The following PCED1B variants were observed in gnomAD, a reference collection of about 807,000 sequenced individuals.
PCED1B encodes the protein PC-esterase domain containing 1B.
For missense variants in PCED1B, 573 were observed against 573.9 expected, an observed-to-expected ratio of 1.00 and a Z score of 0.02; for synonymous variants, 251 against 246.1, an observed-to-expected ratio of 1.02 and a Z score of -0.19.
chr12:47,230,276 G>A (rs1210140591), intron 3 of PCED1B, among the ~76,000 whole-genome samples: 2 of 150,982 alleles, frequency 1.3e-5, no homozygotes, highest in Non-Finnish European at 3.0e-5. Context: ...AGTAGAGACG[G>A]GGTTTCACAA....
chr12:47,231,157 C>T (rs953114978), intron 3 of PCED1B, among the ~76,000 whole-genome samples: 6 of 152,078 alleles, frequency 3.9e-5, no homozygotes, highest in East Asian at 1.9e-4. Context: ...GTGGGATCTT[C>T]GGGTGGGCTT....
At chr12:47,090,525 A>C (rs34778442) in intron 1 of PCED1B, among the ~76,000 whole-genome samples, 3,151 of 152,248 alleles carry the variant, frequency 0.021, 48 homozygotes, top group South Asian at 0.049. Flanking sequence ...TACCAGAGTA[A>C]AGGCAACCAC....
chr12:47,102,586 ATTT>A (rs1938757790), intron 1 of PCED1B, among the ~76,000 whole-genome samples: 1 of 152,114 alleles, frequency 6.6e-6, no homozygotes, highest in South Asian at 2.1e-4. Context: ...GTCAGGAATG[ATTT>A]ACCACTGGTA....
At chr12:47,171,789 T>TTTC (rs143235503) in intron 2 of PCED1B, among the ~76,000 whole-genome samples, 4 of 151,558 alleles carry the variant, frequency 2.6e-5, no homozygotes, top group Admixed American at 1.3e-4. Context: ...CAGTCTAACG[T>TTTC]TTCTTCTTCT....
At chr12:47,142,275 T>C (rs902546988) in intron 2 of PCED1B, among the ~76,000 whole-genome samples, 2 of 152,056 alleles carry the variant, frequency 1.3e-5, no homozygotes, top group Non-Finnish European at 2.9e-5. Context: ...CCAACCCCAC[T>C]CAACTGCAAT....
intron 2 of PCED1B, among the ~76,000 whole-genome samples, chr12:47,109,499 TGAG>T (rs775120382): frequency 1.3e-5 from 2 of 152,096 alleles, no homozygotes; most frequent in African/African-American, 4.8e-5. Context: ...AGAGTGATGA[TGAG>T]GAGATTTGAC....
intron 1 of PCED1B, among the ~76,000 whole-genome samples, chr12:47,083,947 A>C (rs1222545682): frequency 6.6e-6 from 1 of 152,094 alleles, no homozygotes; most frequent in Non-Finnish European, 1.5e-5. Flanking sequence ...TAAAATCCAC[A>C]TGACATAAAA....
chr12:47,202,344 GAGCTTCC>G (rs1942787647), intron 2 of PCED1B, among the ~76,000 whole-genome samples: 1 of 152,152 alleles, frequency 6.6e-6, no homozygotes, highest in African/African-American at 2.4e-5. Flanking sequence ...AGAAGCACAT[GAGCTTCC>G]AGGTTATGCC....
At chr12:47,129,781 G>A (rs761334060) in intron 2 of PCED1B, among the ~76,000 whole-genome samples, 30 of 152,294 alleles carry the variant, frequency 2.0e-4, no homozygotes, top group Non-Finnish European at 2.9e-4. Flanking sequence ...GAGACCATGC[G>A]TCTGGCAGGA....
intron 2 of PCED1B, among the ~76,000 whole-genome samples, chr12:47,139,218 G>A (rs778505098): frequency 6.6e-6 from 1 of 152,094 alleles, no homozygotes; most frequent in Non-Finnish European, 1.5e-5. Context: ...CTCCTGTTGT[G>A]TGCAAAATGA....
chr12:47,152,867 G>A (rs936006507), intron 2 of PCED1B, among the ~76,000 whole-genome samples: 6 of 151,922 alleles, frequency 3.9e-5, no homozygotes, highest in Non-Finnish European at 7.4e-5. Flanking sequence ...CCTGGGAGGT[G>A]GAGGTTGCAG....
chr12:47,145,476 T>C (rs1355639957), intron 2 of PCED1B, among the ~76,000 whole-genome samples: 1 of 152,204 alleles, frequency 6.6e-6, no homozygotes, highest in Non-Finnish European at 1.5e-5. Flanking sequence ...GAAAATCCCG[T>C]CTAGGACTTG....
At chr12:47,163,811 A>G (rs1339045144) in intron 2 of PCED1B, among the ~76,000 whole-genome samples, 1 of 152,172 alleles carries the variant, frequency 6.6e-6, no homozygotes, top group African/African-American at 2.4e-5. Context: ...ATAGCACCCA[A>G]CTTCTGGTGA....
intron 2 of PCED1B, among the ~76,000 whole-genome samples, chr12:47,189,980 C>T (rs1294591828): frequency 6.6e-6 from 1 of 152,194 alleles, no homozygotes; most frequent in Non-Finnish European, 1.5e-5. Flanking sequence ...CTTGGCCACT[C>T]CCAGTCCCAC....
At chr12:47,160,781 C>A (rs972197415) in intron 2 of PCED1B, among the ~76,000 whole-genome samples, 1 of 152,100 alleles carries the variant, frequency 6.6e-6, no homozygotes, top group Non-Finnish European at 1.5e-5. Flanking sequence ...CCTTAATTCC[C>A]TTTGTGGCAA....
chr12:47,189,285 G>A (rs77536037), intron 2 of PCED1B, among the ~76,000 whole-genome samples: 4,417 of 152,224 alleles, frequency 0.029, 174 homozygotes, highest in African/African-American at 0.088. Context: ...GTGGAAAAAT[G>A]TGTCCTTTTC....
At chr12:47,084,494 A>G (rs1454159791) in intron 1 of PCED1B, among the ~76,000 whole-genome samples, 2 of 152,352 alleles carry the variant, frequency 1.3e-5, no homozygotes, top group South Asian at 2.1e-4. Context: ...GCCCCTGGCA[A>G]CCACTAATGT....
chr12:47,153,000 C>T (rs562380571), intron 2 of PCED1B, among the ~76,000 whole-genome samples: 2 of 152,048 alleles, frequency 1.3e-5, no homozygotes, highest in South Asian at 4.1e-4. Flanking sequence ...ACGATTATTA[C>T]ATAGAATACT....
chr12:47,153,236 G>C (rs185415803), intron 2 of PCED1B, among the ~76,000 whole-genome samples: 1 of 151,436 alleles, frequency 6.6e-6, no homozygotes, highest in Non-Finnish European at 1.5e-5. Flanking sequence ...TGTAGTCCCA[G>C]CTACTTGGGA....
Sources: allele counts gnomAD v4.1 joint callset (sites outside exome capture counted in the v4.1 genomes callset), GRCh38; gene constraint gnomAD v4.1.1; transcripts MANE v1.5; gene names NCBI Gene and HGNC (gene_info 2026-07-23, HGNC 2026-07-21).